AMZ1: variants seen among roughly 807,000 people sequenced by gnomAD.
AMZ1 encodes archaelysin family metallopeptidase 1.
A neutral mutation model predicts 29.9 loss-of-function variants in AMZ1; 39 were observed. That is an observed-to-expected ratio of 1.30 (90% CI 1.01 to 1.70). AMZ1 has a LOEUF of 1.70. Among genes scored for constraint, AMZ1 ranks in the 40% most tolerant of loss-of-function variants. The pLI is 0.00. For synonymous variants in AMZ1, 458 were observed against 304.0 expected, an observed-to-expected ratio of 1.51 and a Z score of -5.27; for missense variants, 1,041 against 680.6, an observed-to-expected ratio of 1.53 and a Z score of -5.89.
chr7:2,736,313 G>A (rs566825024), intron 4 of AMZ1, among the ~76,000 whole-genome samples: 3 of 152,224 alleles, frequency 2.0e-5, no homozygotes, highest in South Asian at 2.1e-4. Flanking sequence ...GTGGGCTCTC[G>A]GGACTCTCCT....
At chr7:2,689,810 C>T (rs1787280836) in intron 1 of AMZ1, among the ~76,000 whole-genome samples, 2 of 152,198 alleles carry the variant, frequency 1.3e-5, no homozygotes, top group Admixed American at 6.5e-5. Context: ...CTGGGGGTCT[C>T]CTTTTTGGAG....
chr7:2,762,776 G>T (rs1021782863), upstream of AMZ1: 22 of 1,546,174 alleles, frequency 1.4e-5, no homozygotes, highest in Non-Finnish European at 1.8e-5. Flanking sequence ...TTCCACCCAG[G>T]CTGTACAAAA....
At position 2,709,833 on chromosome 7, in the gene AMZ1, C is replaced by A; in HGVS notation, c.948+17C>A. 2 of 1,609,906 alleles carry A rather than the reference C, an allele frequency of 1.2e-6. No homozygotes were observed. Among genetic ancestry groups the A allele is most frequent in the Non-Finnish European group, 1.7e-6 (2 of 1,178,990 alleles). On this transcript the variant is annotated intron_variant, in intron 6 of 6. Transcript: ENST00000683327. ...AGGTACCAGGTGAGTGGCTGAGTTG[C>A]GCTGCCCGGCTGCTGGGACCTGCGC...
intron 4 of AMZ1, among the ~76,000 whole-genome samples, chr7:2,753,704 G>T (rs1285996778): frequency 6.6e-6 from 1 of 152,160 alleles, no homozygotes; most frequent in African/African-American, 2.4e-5. Flanking sequence ...AAATGCCCAG[G>T]AGTGTGACTG....
chr7:2,685,076 A>G (rs141752569), upstream of AMZ1, among the ~76,000 whole-genome samples: 54 of 151,524 alleles, frequency 3.6e-4, no homozygotes, highest in East Asian at 1.2e-3. Context: ...TCACTGTGTT[A>G]GCCAGGATGG....
chr7:2,757,144 T>C (rs891609937), intron 4 of AMZ1, among the ~76,000 whole-genome samples: 3 of 145,594 alleles, frequency 2.1e-5, no homozygotes, highest in Non-Finnish European at 3.0e-5. Context: ...TTTTTTTTTT[T>C]TTTTTTTTTG....
rs1344467627 is a variant in AMZ1, at chr7:2,700,302, C to A, written c.-150C>A. 1 of 880,648 alleles carries A rather than the reference C, an allele frequency of 1.1e-6. No homozygotes were observed. Among genetic ancestry groups the A allele is most frequent in the Non-Finnish European group, 1.7e-6 (1 of 590,430 alleles). The allele number at this position is 880,648 out of a possible 1,614,324, so 54.6% of individuals were successfully genotyped here. The stretch of plus-strand genomic sequence containing the variant: ...ACCAGGCAGAGCTGGGCCTTAAGGG[C>A]CCTTGGACCAGTGTCTGTCTGCAGG... On this transcript the variant is annotated 5_prime_UTR_variant, in exon 2 of 7. Coordinates refer to ENST00000683327, the MANE Select transcript of AMZ1 (RefSeq NM_001384743.1).
chr7:2,711,495 T>G (rs980336665), intron 6 of AMZ1, among the ~76,000 whole-genome samples: 12 of 152,224 alleles, frequency 7.9e-5, no homozygotes, highest in African/African-American at 2.9e-4. Flanking sequence ...GTGTGTCCCC[T>G]GTACAGATGC....
rs913174483 is a variant in AMZ1, at chr7:2,731,992, C to T, written n.550+22176C>T. ...TCTGAGGACGAATGCTCAGAACACTCGTGGGCAGGCCCAGCGCAAAACCAC... is the reference window on the plus strand; with the variant it reads ...TCTGAGGACGAATGCTCAGAACACTTGTGGGCAGGCCCAGCGCAAAACCAC... On this transcript the variant is annotated intron_variant and non_coding_transcript_variant, in intron 4 of 4. Coordinates refer to the AMZ1 transcript ENST00000489665. The surrounding 1 kb of genome is among the most constrained non-coding windows in gnomAD (Gnocchi z 6.0). Among the ~76,000 whole-genome samples the T allele has an allele frequency of 3.3e-5, 5 of 152,204 alleles. 1 individual carries two copies. In the East Asian group the frequency reaches 9.6e-4, roughly 29 times the overall value.
intron 4 of AMZ1, among the ~76,000 whole-genome samples, chr7:2,755,304 G>A (rs1371358419): frequency 2.0e-5 from 3 of 152,170 alleles, no homozygotes; most frequent in Non-Finnish European, 2.9e-5. Flanking sequence ...ATCTTGCTGC[G>A]ATTTTCACAG....
intron 4 of AMZ1, among the ~76,000 whole-genome samples, chr7:2,739,875 G>C (rs550546648): frequency 2.0e-5 from 3 of 152,120 alleles, no homozygotes; most frequent in African/African-American, 7.2e-5. Context: ...GTTTCACCGT[G>C]TTGGCCAGGC....
intron 4 of AMZ1, among the ~76,000 whole-genome samples, chr7:2,737,269 GTTTTGTTTTTT>G (rs1273794718): frequency 7.9e-5 from 3 of 38,112 alleles, no homozygotes; most frequent in South Asian, 1.6e-3. Context: ...TCACAGTTTT[GTTTTGTTTTTT>G]TTTTTTTTGT....
At chr7:2,739,618 A>C (rs1415921940) in intron 4 of AMZ1, among the ~76,000 whole-genome samples, 1 of 152,112 alleles carries the variant, frequency 6.6e-6, no homozygotes, top group Non-Finnish European at 1.5e-5. Flanking sequence ...TTTTGCTTGA[A>C]TATCTGTTTT....
At chr7:2,738,351 C>T (rs944651826) in intron 4 of AMZ1, among the ~76,000 whole-genome samples, 1 of 152,060 alleles carries the variant, frequency 6.6e-6, no homozygotes, top group Non-Finnish European at 1.5e-5. Flanking sequence ...CACAAGCTGT[C>T]ACTGCAGGAA....
In AMZ1 at chr7:2,689,370, T is replaced by TGGGGG. The variant is rs59259361; in HGVS notation, c.-219+1079_-219+1083dup. 1.8e-3 allele frequency among the ~76,000 whole-genome samples: 276 copies of TGGGGG among 149,498 alleles called. 3 individuals carry two copies. The highest frequency in any genetic ancestry group is 3.5e-3 in the Middle Eastern group (1 of 288). On this transcript the variant is annotated intron_variant, in intron 1 of 6. Coordinates refer to ENST00000683327, the MANE Select transcript of AMZ1 (RefSeq NM_001384743.1). Reference sequence around the variant, plus strand: ...GTTGCTTAGAGCGGCAGAACCTCCCTGGGGGGGGGATGCGGACGTGCTCTT... The same window carrying TGGGGG: ...GTTGCTTAGAGCGGCAGAACCTCCCTGGGGGGGGGGGGGGATGCGGACGTGCTCTT...
rs1405081365 is a variant in AMZ1 at position 2,717,833 on chromosome 7, A to AAAC, written c.*4957_*4959dup. Among the ~76,000 whole-genome samples the AAAC allele has an allele frequency of 6.6e-6, 1 of 152,160 alleles. No homozygotes were observed. The highest frequency in any genetic ancestry group is 2.4e-5 in the African/African-American group (1 of 41,430). On this transcript the variant is annotated 3_prime_UTR_variant, in exon 7 of 7. Transcript: ENST00000683327. The stretch of plus-strand genomic sequence containing the variant: ...GCTTCTTGGGTAGGGAGGCAAATGA[A>AAAC]AACAGGCTGATGTCAGGGGTTTATT...
At chr7:2,707,271 C>T (rs1035468632) in intron 3 of AMZ1, among the ~76,000 whole-genome samples, 1 of 114,448 alleles carries the variant, frequency 8.7e-6, no homozygotes, top group Non-Finnish European at 2.0e-5. Context: ...AGCAACACTC[C>T]ATCTCAAAAA....
chr7:2,738,862 G>A (rs17132624), intron 4 of AMZ1, among the ~76,000 whole-genome samples: 16,225 of 152,232 alleles, frequency 0.11, 1,005 homozygotes, highest in Middle Eastern at 0.18. Context: ...TTGCCAGAAT[G>A]TGAAAGTACA....
intron 1 of AMZ1, among the ~76,000 whole-genome samples, chr7:2,691,465 G>T (rs187468831): frequency 6.7e-6 from 1 of 148,798 alleles, no homozygotes. Flanking sequence ...ATTTTGGGCC[G>T]GGCGCGGTGG....
Sources: allele counts gnomAD v4.1 joint callset (sites outside exome capture counted in the v4.1 genomes callset), GRCh38; gene constraint gnomAD v4.1.1; non-coding constraint Gnocchi (gnomAD v3.1); transcripts MANE v1.5; gene names NCBI Gene and HGNC (gene_info 2026-07-23, HGNC 2026-07-21).